NRG1: variants seen among roughly 807,000 people sequenced by gnomAD.
NRG1 encodes the protein neuregulin 1.
Under a neutral mutation model 63.8 loss-of-function variants are expected in NRG1, and 18 were observed. That is an observed-to-expected ratio of 0.28 (90% confidence interval 0.19 to 0.42). The LOEUF (loss-of-function observed/expected upper bound fraction) is 0.42. NRG1 is among the 10% of genes least tolerant of loss of function. The pLI, the probability that NRG1 is intolerant of heterozygous loss-of-function variation, is 1.00. For synonymous variants in NRG1, 302 were observed against 301.3 expected (o/e 1.00, Z -0.02); for missense variants, 762 against 814.7 (o/e 0.94, Z 0.79).
At chr8:32,371,897 T>A (rs1376463797) in intron 1 of NRG1, among the ~76,000 whole-genome samples, 1 of 152,162 alleles carries the variant, frequency 6.6e-6, no homozygotes, top group Non-Finnish European at 1.5e-5. Context: ...GCTTCTATTC[T>A]GATGGTCTCT....
chr8:31,748,972 C>A (rs186408595), intron 1 of NRG1, among the ~76,000 whole-genome samples: 1 of 151,820 alleles, frequency 6.6e-6, no homozygotes, highest in Non-Finnish European at 1.5e-5. Context: ...TTAATCACAG[C>A]GACTTTCTTT....
At chr8:31,912,374 CA>C (rs1196595728) in intron 1 of NRG1, among the ~76,000 whole-genome samples, 1 of 151,964 alleles carries the variant, frequency 6.6e-6, no homozygotes, top group African/African-American at 2.4e-5. Context: ...AGCTTAGGCA[CA>C]GGAGCAGATG....
chr8:31,794,129 A>C (rs990914600), intron 1 of NRG1, among the ~76,000 whole-genome samples: 1 of 152,178 alleles, frequency 6.6e-6, no homozygotes, highest in African/African-American at 2.4e-5. Flanking sequence ...GCAGAAAGGC[A>C]TGGTTTGTAT....
intron 1 of NRG1, among the ~76,000 whole-genome samples, chr8:31,813,642 C>T (rs998994806): frequency 6.6e-6 from 1 of 151,562 alleles, no homozygotes; most frequent in Non-Finnish European, 1.5e-5. Context: ...CTGCCTCAAC[C>T]CCCTGACCCT....
At chr8:32,714,841 A>G (rs1818775324) in intron 5 of NRG1, among the ~76,000 whole-genome samples, 1 of 152,176 alleles carries the variant, frequency 6.6e-6, no homozygotes, top group South Asian at 2.1e-4. Flanking sequence ...CACGCACAGT[A>G]CTTTGGCAAG....
At chr8:31,847,026 A>T (rs16878352) in intron 1 of NRG1, among the ~76,000 whole-genome samples, 1 of 152,146 alleles carries the variant, frequency 6.6e-6, no homozygotes, top group Non-Finnish European at 1.5e-5. Context: ...TGATTCCTAG[A>T]TAAGTTCTGC....
At chr8:32,619,252 G>A (rs1357874391) in intron 5 of NRG1, among the ~76,000 whole-genome samples, 3 of 152,022 alleles carry the variant, frequency 2.0e-5, no homozygotes, top group Non-Finnish European at 4.4e-5. Context: ...AAAACATCTG[G>A]GGAAACTGTA....
chr8:31,942,296 C>G (rs1413995147), intron 1 of NRG1, among the ~76,000 whole-genome samples: 1 of 152,098 alleles, frequency 6.6e-6, no homozygotes, highest in Non-Finnish European at 1.5e-5. Flanking sequence ...AAAGGACACC[C>G]TATTCAACAA....
At chr8:32,112,188 T>C (rs1832116932) in intron 1 of NRG1, among the ~76,000 whole-genome samples, 1 of 152,246 alleles carries the variant, frequency 6.6e-6, no homozygotes, top group Admixed American at 6.5e-5. Context: ...ATACAGAATT[T>C]ACAATAGTTG....
At chr8:32,336,413 A>T (rs980781409) in intron 1 of NRG1, among the ~76,000 whole-genome samples, 2 of 152,166 alleles carry the variant, frequency 1.3e-5, no homozygotes, top group African/African-American at 2.4e-5. Flanking sequence ...CCTCATGGGT[A>T]GACCTGAGGC....
At position 31,773,448 on chromosome 8, in the gene NRG1, A is replaced by G. The variant is rs184257277; in HGVS notation, c.37+134017A>G. Among the ~76,000 whole-genome samples, 9 of 152,332 alleles carry G rather than the reference A, an allele frequency of 5.9e-5. No homozygotes were observed. In the East Asian group the frequency reaches 1.7e-3, roughly 29 times the overall value. On this transcript the variant is annotated intron_variant, in intron 1 of 10. Coordinates refer to the NRG1 transcript ENST00000519301. ...ATTTCATACCAGGAAGAAAACTGTC[A>G]AAATATGTCATGAGTCCAACTAAAA... is the stretch of plus-strand genomic sequence containing the variant.
intron 1 of NRG1, among the ~76,000 whole-genome samples, chr8:32,220,770 C>G (rs1248538162): frequency 6.6e-6 from 1 of 152,230 alleles, no homozygotes; most frequent in Non-Finnish European, 1.5e-5. Flanking sequence ...CGGTCTCCCC[C>G]ACTCCATCCC....
chr8:32,323,561 G>A (rs1801660424), intron 1 of NRG1, among the ~76,000 whole-genome samples: 1 of 152,208 alleles, frequency 6.6e-6, no homozygotes, highest in Non-Finnish European at 1.5e-5. Flanking sequence ...GGTCCTGCAG[G>A]GATTGGAGAA....
rs1013797087 is a variant in NRG1, at chr8:32,189,990, T to C, written c.38-405838T>C. ...TGCCTCTCCTACACCTTTGTCTTTG[T>C]ACATTTCAGTCCTTCTTCTCTATTC... On this transcript the variant is annotated intron_variant, in intron 1 of 10. Coordinates refer to the NRG1 transcript ENST00000519301. 1.1e-4 allele frequency among the ~76,000 whole-genome samples: 16 copies of C among 152,168 alleles called. No homozygotes were observed. The East Asian group carries it at 2.3e-3, about 22-fold the overall frequency.
Position 32,169,909 on chromosome 8 carries a change from G to T in NRG1, c.38-425919G>T, listed in dbSNP as rs183115034. 2.1e-3 allele frequency among the ~76,000 whole-genome samples: 323 copies of T among 152,294 alleles called. 2 individuals are homozygous for T. The highest frequency in any genetic ancestry group is 3.1e-3 in the Non-Finnish European group (214 of 68,030). On this transcript the variant is annotated intron_variant, in intron 1 of 10. Coordinates refer to the NRG1 transcript ENST00000519301. ...TTGGAGGGGAATTAGTAAAGATGAG[G>T]TTATACTCAAGTAAAGTAGGTCCTT...
chr8:32,449,264 T>A (rs1820668740), intron 1 of NRG1, among the ~76,000 whole-genome samples: 1 of 152,066 alleles, frequency 6.6e-6, no homozygotes, highest in African/African-American at 2.4e-5. Context: ...ACCACCATAC[T>A]CTAGCCTGGG....
rs781464793 is a variant in NRG1, at chr8:32,269,048, TCCTCCTTC to T, written c.38-326767_38-326760del. Among the ~76,000 whole-genome samples the T allele has an allele frequency of 8.5e-5, 13 of 152,110 alleles. 1 individual carries two copies. The South Asian group carries it at 1.0e-3, about 12-fold the overall frequency. On this transcript the variant is annotated intron_variant, in intron 1 of 10. Coordinates refer to the NRG1 transcript ENST00000519301. ...AAATCACTTTACCTCCTCTGTACAT[TCCTCCTTC>T]CCTCCTTCCCTCTCTTTTCCTCTCT... is the stretch of plus-strand genomic sequence containing the variant.
intron 1 of NRG1, among the ~76,000 whole-genome samples, chr8:31,755,549 G>A (rs375537227): frequency 1.3e-5 from 2 of 152,196 alleles, no homozygotes; most frequent in East Asian, 1.9e-4. Context: ...AGTAAATAAC[G>A]TGTTTCTTGA....
intron 1 of NRG1, among the ~76,000 whole-genome samples, chr8:31,886,854 A>G (rs1251543617): frequency 6.6e-6 from 1 of 152,060 alleles, no homozygotes; most frequent in African/African-American, 2.4e-5. Flanking sequence ...GAGGATTCCT[A>G]TCTGGAAGAG....
Sources: gnomAD v4.1 joint callset for allele counts (sites outside exome capture counted in the v4.1 genomes callset) on GRCh38, gnomAD v4.1.1 for gene constraint, MANE v1.5 for transcripts, NCBI Gene and HGNC (gene_info 2026-07-23, HGNC 2026-07-21) for gene names.